Variants in UBE2L6 observed in about 807,000 individuals in gnomAD.
UBE2L6 encodes the protein ubiquitin/ISG15-conjugating enzyme E2 L6.
In UBE2L6, 11 loss-of-function variants were observed where a neutral mutation model predicts 13.6. That is an observed-to-expected ratio of 0.81 (90% CI 0.51 to 1.34). The LOEUF is 1.34. Ranked by LOEUF, UBE2L6 falls within the 40% of genes most tolerant of loss-of-function variation. The probability of loss-of-function intolerance (pLI) is 0.00; values close to 1 mark genes in which losing one functional copy is unlikely to be tolerated. For missense variants in UBE2L6, 197 were observed against 199.5 expected, an observed-to-expected ratio of 0.99 and a Z score of 0.07; for synonymous variants, 74 against 83.2, an observed-to-expected ratio of 0.89 and a Z score of 0.60.
chr11:57,556,061 T>C (rs1034129605), intron 2 of UBE2L6, among the ~76,000 whole-genome samples: 3 of 152,202 alleles, frequency 2.0e-5, no homozygotes, highest in Non-Finnish European at 4.4e-5. Flanking sequence ...AACACTTTTC[T>C]GAGCACCTGT....
At position 57,566,966 on chromosome 11, in the gene UBE2L6, A is replaced by G. The variant is rs572003409; in HGVS notation, c.27+619T>C. ...CTGCCCGCCCCCCCCCCCCTCCTAG[A>G]ACAGGGCCAGCACATGTAGGCATTC... On this transcript the variant is annotated intron_variant, in intron 1 of 3. Transcript: ENST00000287156. The G allele has an allele frequency of 5.5e-5, 14 of 252,594 alleles. No homozygotes were observed. The East Asian group carries it at 8.9e-4, about 16-fold the overall frequency. 15.6% of individuals were successfully genotyped at this position (252,594 alleles called of 1,614,324 possible).
At chr11:57,553,922 A>T (rs1374052696) in intron 3 of UBE2L6, among the ~76,000 whole-genome samples, 1 of 152,232 alleles carries the variant, frequency 6.6e-6, no homozygotes, top group African/African-American at 2.4e-5. Flanking sequence ...GACCTTAGGC[A>T]ACCACTTCAC....
intron 2 of UBE2L6, among the ~76,000 whole-genome samples, chr11:57,559,589 G>A (rs1459233624): frequency 6.6e-6 from 1 of 151,834 alleles, no homozygotes; most frequent in Admixed American, 6.6e-5. Flanking sequence ...CAGCCTGGGT[G>A]ACACAGTAAG....
In UBE2L6 at chr11:57,560,672, A is replaced by G. The variant is rs368733702; in HGVS notation, c.28-240T>C. 1.3e-3 allele frequency among the ~76,000 whole-genome samples: 196 copies of G among 149,188 alleles called. 2 individuals carry two copies. Among genetic ancestry groups the G allele is most frequent in the East Asian group, 8.7e-3 (44 of 5,032 alleles). On this transcript the variant is annotated intron_variant, in intron 1 of 3. Coordinates refer to ENST00000287156, the MANE Select transcript of UBE2L6 (RefSeq NM_004223.5). Reference sequence around the variant, plus strand: ...GTCTCGCTCTGTTGCCCAGGCTGGAATGCAGTGGCGCAATCTCGGCTCCCT... The same window carrying G: ...GTCTCGCTCTGTTGCCCAGGCTGGAGTGCAGTGGCGCAATCTCGGCTCCCT...
At chr11:57,560,282 T>G in intron 2 of UBE2L6, 55 bp downstream of exon 2, 1 of 1,450,572 alleles carries the variant, frequency 6.9e-7, no homozygotes, top group South Asian at 1.1e-5. Flanking sequence ...TCCCTGCCCA[T>G]GTCCCTGGCC....
rs1944967009 is a variant in UBE2L6 at position 57,552,490 on chromosome 11, C to A, written c.330G>T (p.Val110=). The A allele has an allele frequency of 1.2e-6, 2 of 1,614,160 alleles. No individual in the cohort carries two copies. The highest frequency in any genetic ancestry group is 1.7e-6 in the Non-Finnish European group (2 of 1,180,022). The change falls in exon 4 of 4, where the codon GTG becomes GTT. Residue 110 remains valine, a synonymous_variant. Transcript: ENST00000287156. ...KTCQVLEALN[V]LVNRPNIREP... ...CCCTGATATTCGGTCTATTCACCAG[C>A]ACATTGAGGGCCTCCAGGACTGGGG...
intron 3 of UBE2L6, among the ~76,000 whole-genome samples, chr11:57,553,297 C>T (rs1944973143): frequency 6.6e-6 from 1 of 152,212 alleles, no homozygotes; most frequent in Non-Finnish European, 1.5e-5. Context: ...AGTTTGAGAC[C>T]AGCCTGGGCA....
At chr11:57,562,201 C>A (rs754771649) in intron 1 of UBE2L6, among the ~76,000 whole-genome samples, 15 of 152,188 alleles carry the variant, frequency 9.9e-5, no homozygotes, top group Non-Finnish European at 2.1e-4. Flanking sequence ...TCCTCATAGA[C>A]CCGTGGTGGT....
At chr11:57,552,628 G>A (rs1188118835) in intron 3 of UBE2L6, 119 bp from the exon 4 acceptor site, 2 of 1,324,032 alleles carry the variant, frequency 1.5e-6, no homozygotes, top group Admixed American at 4.0e-5. Context: ...CATCGCTTAG[G>A]ATTACTCTAC....
chr11:57,558,374 C>T (rs747027898), intron 2 of UBE2L6, among the ~76,000 whole-genome samples: 1 of 152,140 alleles, frequency 6.6e-6, no homozygotes, highest in African/African-American at 2.4e-5. Context: ...CCACCGTGCC[C>T]GGCCTGCTAC....
chr11:57,566,324 A>G (rs1315507073), intron 1 of UBE2L6, among the ~76,000 whole-genome samples: 3 of 152,214 alleles, frequency 2.0e-5, no homozygotes, highest in Non-Finnish European at 4.4e-5. Context: ...ACAGAAAATG[A>G]AAGTAGAAAG....
intron 2 of UBE2L6, 93 bp downstream of exon 2, chr11:57,560,244 A>C (rs1435932908): frequency 4.2e-6 from 4 of 945,498 alleles, no homozygotes; most frequent in Non-Finnish European, 7.0e-6. Flanking sequence ...GATCTCAAGC[A>C]GGGAAAATTC....
At chr11:57,560,843 A>G (rs1945039639) in intron 1 of UBE2L6, among the ~76,000 whole-genome samples, 1 of 151,376 alleles carries the variant, frequency 6.6e-6, no homozygotes, top group Non-Finnish European at 1.5e-5. Flanking sequence ...GATGGTCTTG[A>G]TCTCCTGACC....
chr11:57,561,496 G>A (rs1590810414), intron 1 of UBE2L6, among the ~76,000 whole-genome samples: 2 of 152,296 alleles, frequency 1.3e-5, no homozygotes. Flanking sequence ...GGAGATGAGA[G>A]GGGAGAAGGA....
intron 1 of UBE2L6, 199 bp downstream of exon 1, chr11:57,567,386 C>T: frequency 1.3e-6 from 1 of 759,398 alleles, no homozygotes; most frequent in Non-Finnish European, 2.1e-6. Context: ...GGCCTCCAAA[C>T]CCCCAAAACC....
intron 3 of UBE2L6, among the ~76,000 whole-genome samples, chr11:57,554,211 C>T (rs1944980072): frequency 6.6e-6 from 1 of 152,178 alleles, no homozygotes; most frequent in Non-Finnish European, 1.5e-5. Context: ...CTCCCATGAA[C>T]CGCAGCAACG....
intron 2 of UBE2L6, among the ~76,000 whole-genome samples, chr11:57,557,265 C>T (rs1317395026): frequency 1.3e-5 from 2 of 152,082 alleles, no homozygotes; most frequent in African/African-American, 4.8e-5. Flanking sequence ...AAGATCCTGG[C>T]ACCTGCTCGC....
At position 57,554,482 on chromosome 11, in the gene UBE2L6, T is replaced by C. The variant is rs1457912371; in HGVS notation, c.265A>G (p.Ile89Val). ...VDENGQICLP[I>V]ISSENWKPCT... Reference sequence around the variant, plus strand: ...GGCTTCCAGTTCTCACTGCTGATGATGGGCAGGCAAATCTGTCCGTTCTCG... The same window carrying C: ...GGCTTCCAGTTCTCACTGCTGATGACGGGCAGGCAAATCTGTCCGTTCTCG... The change falls in exon 3 of 4, where the codon ATC (isoleucine) becomes GTC (valine). Residue 89 changes from isoleucine (I) to valine (V), a missense_variant. By Grantham distance (29) the Ile-to-Val change is conservative. Coordinates refer to ENST00000287156, the MANE Select transcript of UBE2L6 (RefSeq NM_004223.5). 8 of 1,614,064 alleles carry C rather than the reference T, an allele frequency of 5.0e-6. No homozygotes were observed. The Admixed American group carries it at 6.7e-5, about 13-fold the overall frequency.
In UBE2L6 at chr11:57,567,635, C is replaced by A; in HGVS notation, c.-24G>T. On this transcript the variant is annotated 5_prime_UTR_variant, in exon 1 of 4. Transcript: ENST00000287156. ...ATGTCGGGACCGAGTGTGTGGCACC[C>A]GTGGCCTCCAGCAGGACCGAGCTCC... 1 of 1,604,158 alleles carries A rather than the reference C, an allele frequency of 6.2e-7. No homozygotes were observed. The highest frequency in any genetic ancestry group is 8.5e-7 in the Non-Finnish European group (1 of 1,176,372).
Sources: gnomAD v4.1 joint callset for allele counts (sites outside exome capture counted in the v4.1 genomes callset) on GRCh38, gnomAD v4.1.1 for gene constraint, MANE v1.5 for transcripts, NCBI Gene and HGNC (gene_info 2026-07-23, HGNC 2026-07-21) for gene names.